Variants in RANBP2 observed in about 807,000 individuals in gnomAD.
RANBP2 encodes the protein RAN binding protein 2, also known as E3 SUMO-protein ligase RanBP2.
Under a neutral mutation model 303.6 loss-of-function variants are expected in RANBP2, and 57 were observed. The observed-to-expected ratio is 0.19, with a 90% CI of 0.15 to 0.23. The LOEUF is 0.23. Among genes scored for constraint, RANBP2 ranks in the 10% least tolerant of loss-of-function variants. The pLI is 1.00. For missense variants in RANBP2, 3,138 were observed against 3,780.8 expected (o/e 0.83, Z 4.46); for synonymous variants, 1,167 against 1,301.5 (o/e 0.90, Z 2.23).
At chr2:109,219,357 T>C in the RANBP2 span, among the ~76,000 whole-genome samples, 1 of 152,114 alleles carries the variant, frequency 6.6e-6, no homozygotes, top group African/African-American at 2.4e-5. Flanking sequence ...GTTAAAAAAT[T>C]TTCACCATCA....
rs375031047 is a variant in RANBP2 at position 108,769,047 on chromosome 2, AC to A, written c.7849+660del. Among the ~76,000 whole-genome samples the A allele has an allele frequency of 6.6e-3, 1,008 of 151,736 alleles. 5 individuals are homozygous for A. The highest frequency in any genetic ancestry group is 0.011 in the Non-Finnish European group (774 of 67,892). On this transcript the variant is annotated intron_variant, in intron 20 of 28. Transcript: ENST00000283195. ...AGACTTTGTCTCCAAAAAAAAAAAAACAACGTGATATTGAGATGTTCTCATT... is the reference window on the plus strand; with the variant it reads ...AGACTTTGTCTCCAAAAAAAAAAAAAAACGTGATATTGAGATGTTCTCATT...
At chr2:108,962,191 C>A in the RANBP2 span, among the ~76,000 whole-genome samples, 1 of 152,178 alleles carries the variant, frequency 6.6e-6, no homozygotes, top group Non-Finnish European at 1.5e-5. Flanking sequence ...TGGCAGATGG[C>A]GCATTGCAGA....
At chr2:108,830,092 A>G in the RANBP2 span, among the ~76,000 whole-genome samples, 6 of 152,214 alleles carry the variant, frequency 3.9e-5, 1 homozygote, top group Admixed American at 3.3e-4. Flanking sequence ...TTCAGGCATG[A>G]AATTGACACA....
At chr2:109,256,661 G>A in the RANBP2 span, among the ~76,000 whole-genome samples, 8 of 152,298 alleles carry the variant, frequency 5.3e-5, no homozygotes, top group African/African-American at 1.4e-4. Flanking sequence ...CCTAGTCTTC[G>A]TGGTCTAAGT....
the RANBP2 span, among the ~76,000 whole-genome samples, chr2:109,402,596 C>T: frequency 6.6e-6 from 1 of 152,366 alleles, no homozygotes; most frequent in East Asian, 1.9e-4. Flanking sequence ...AGCAGCCAGT[C>T]CCCTGCCTCT....
the RANBP2 span, among the ~76,000 whole-genome samples, chr2:109,485,908 T>A: frequency 6.6e-6 from 1 of 152,254 alleles, no homozygotes. Context: ...GCCCTTGATC[T>A]CCTACACACC....
the RANBP2 span, among the ~76,000 whole-genome samples, chr2:109,511,461 G>T: frequency 6.6e-6 from 1 of 152,182 alleles, no homozygotes; most frequent in South Asian, 2.1e-4. Context: ...CTACAGGCTG[G>T]CAATTGGTGG....
chr2:109,236,269 G>A, the RANBP2 span, among the ~76,000 whole-genome samples: 7 of 152,138 alleles, frequency 4.6e-5, no homozygotes, highest in Non-Finnish European at 7.3e-5. Flanking sequence ...ATTCCCCTCG[G>A]TCCTAAAGTC....
At chr2:109,215,387 G>A in the RANBP2 span, among the ~76,000 whole-genome samples, 11 of 152,228 alleles carry the variant, frequency 7.2e-5, no homozygotes, top group Admixed American at 5.9e-4. Flanking sequence ...GAGAAGGTAC[G>A]TTGATAAAGA....
chr2:109,104,436 C>G, the RANBP2 span, among the ~76,000 whole-genome samples: 1 of 13,648 alleles, frequency 7.3e-5, no homozygotes, highest in African/African-American at 8.2e-5. Flanking sequence ...AGAGAGGGGT[C>G]CGTTCAGCGG....
At chr2:109,414,392 G>A in the RANBP2 span, among the ~76,000 whole-genome samples, 199 of 152,274 alleles carry the variant, frequency 1.3e-3, 2 homozygotes, top group African/African-American at 4.5e-3. Context: ...AGTCTTGGGA[G>A]CTATTGATTC....
At chr2:109,357,944 G>A in the RANBP2 span, among the ~76,000 whole-genome samples, 3 of 152,124 alleles carry the variant, frequency 2.0e-5, no homozygotes, top group South Asian at 2.1e-4. Flanking sequence ...TAAGCCTATA[G>A]TCACTCTTGG....
At chr2:109,614,438 G>A in the RANBP2 span, 2 of 1,171,404 alleles carry the variant, frequency 1.7e-6, no homozygotes, top group South Asian at 4.3e-5. Flanking sequence ...GGAGCCCGTC[G>A]CTATGGGACC....
chr2:108,803,838 A>G, the RANBP2 span, among the ~76,000 whole-genome samples: 1 of 152,186 alleles, frequency 6.6e-6, no homozygotes, highest in Non-Finnish European at 1.5e-5. Context: ...TATTGAGCTT[A>G]TCCTGCTGTG....
At position 108,782,067 on chromosome 2, in the gene RANBP2, A is replaced by C. The variant is rs180989650; in HGVS notation, c.8761-61A>C. ...TGCCTTAAAAGAATTTGGATCTTTG[A>C]AATTTGTCATGGAATTTATTATAAG... is the stretch of plus-strand genomic sequence containing the variant. On this transcript the variant is annotated intron_variant, in intron 26 of 28. Transcript: ENST00000283195. The C allele has an allele frequency of 7.9e-4, 1,255 of 1,579,300 alleles. 7 individuals carry two copies. Among genetic ancestry groups the C allele is most frequent in the African/African-American group, 7.6e-3 (552 of 73,076 alleles).
the RANBP2 span, among the ~76,000 whole-genome samples, chr2:109,562,271 T>A: frequency 6.6e-6 from 1 of 151,462 alleles, no homozygotes; most frequent in African/African-American, 2.4e-5. Context: ...TTAAGCATGC[T>A]TCTCACCCCT....
chr2:109,638,037 A>T, the RANBP2 span, among the ~76,000 whole-genome samples: 1 of 152,200 alleles, frequency 6.6e-6, no homozygotes, highest in East Asian at 1.9e-4. Context: ...TGATTGTGTA[A>T]GAGGATGTCC....
chr2:109,640,332 A>G, the RANBP2 span, among the ~76,000 whole-genome samples: 24 of 152,082 alleles, frequency 1.6e-4, no homozygotes, highest in Non-Finnish European at 3.4e-4. Flanking sequence ...CATGCCTGTA[A>G]TCCCAGCTAC....
chr2:109,180,094 A>T, the RANBP2 span, among the ~76,000 whole-genome samples: 3 of 151,844 alleles, frequency 2.0e-5, no homozygotes, highest in African/African-American at 7.3e-5. Flanking sequence ...ATGGGCCTCC[A>T]TGGGGTTAGG....
Sources: allele counts gnomAD v4.1 joint callset (sites outside exome capture counted in the v4.1 genomes callset), GRCh38; gene constraint gnomAD v4.1.1; transcripts MANE v1.5; gene names NCBI Gene and HGNC (gene_info 2026-07-23, HGNC 2026-07-21).